SLC9C2: variants seen among roughly 807,000 people sequenced by gnomAD.
The protein encoded by SLC9C2 is solute carrier family 9 member C2 (putative), also known as sodium/hydrogen exchanger 11.
In SLC9C2, 75 loss-of-function variants were observed where a neutral mutation model predicts 140.2. The ratio of observed to expected loss-of-function variants is 0.53; its 90% CI spans 0.44 to 0.65. The LOEUF (loss-of-function observed/expected upper bound fraction) is 0.65, where lower values mean the gene tolerates loss of function less well. Among genes scored for constraint, SLC9C2 ranks in the 30% least tolerant of loss-of-function variants. The pLI, the probability that SLC9C2 is intolerant of heterozygous loss-of-function variation, is 0.00. For missense variants in SLC9C2, 1,074 were observed against 1,331.8 expected (o/e 0.81, Z 3.01); for synonymous variants, 375 against 420.9 (o/e 0.89, Z 1.34).
At chr1:173,576,538 A>G in intron 8 of SLC9C2, 123 bp downstream of exon 8, 1 of 583,614 alleles carries the variant, frequency 1.7e-6, no homozygotes, top group Non-Finnish European at 2.9e-6. Flanking sequence ...CTGATAGCAA[A>G]AATAAAATTT....
chr1:173,555,855 G>T (rs1201616948), intron 10 of SLC9C2, among the ~76,000 whole-genome samples: 1 of 152,262 alleles, frequency 6.6e-6, no homozygotes, highest in Non-Finnish European at 1.5e-5. Flanking sequence ...GTTAGGGCAC[G>T]TGAGGTCTTT....
Position 173,573,302 on chromosome 1 carries a change from A to G in SLC9C2, c.926T>C (p.Val309Ala). 1.3e-6 allele frequency: 2 copies of G among 1,538,064 alleles called. No individual in the cohort carries two copies. The highest frequency in any genetic ancestry group is 1.4e-5 in the African/African-American group (1 of 72,212). Reference sequence around the variant, plus strand: ...GAAAGCATATATTAAATGTTCATATACAGATGAAAAAATTCTTAAGAACCT... The same window carrying G: ...GAAAGCATATATTAAATGTTCATATGCAGATGAAAAAATTCTTAAGAACCT... Reference protein sequence around the residue: ...ITKFLRIFSSVYEHLIYAFFG... With the variant: ...ITKFLRIFSSAYEHLIYAFFG... Residue 309 changes from valine (V) to alanine (A), a missense_variant, in exon 9 of 28, where the codon GTA becomes GCA. Val to Ala is a moderately conservative substitution (Grantham distance 64). Coordinates refer to ENST00000367714, the MANE Select transcript of SLC9C2 (RefSeq NM_178527.4).
chr1:173,579,654 T>C (rs1480701500), intron 7 of SLC9C2, among the ~76,000 whole-genome samples: 1 of 152,262 alleles, frequency 6.6e-6, no homozygotes, highest in Non-Finnish European at 1.5e-5. Context: ...TGATGCCGTT[T>C]AGTTAGCACA....
At chr1:173,538,859 T>C (rs1270014646) in intron 13 of SLC9C2, among the ~76,000 whole-genome samples, 1 of 152,182 alleles carries the variant, frequency 6.6e-6, no homozygotes, top group East Asian at 1.9e-4. Context: ...AAATACCTTG[T>C]ATATTGTGCT....
intron 9 of SLC9C2, among the ~76,000 whole-genome samples, chr1:173,569,859 G>A (rs963192105): frequency 4.6e-5 from 7 of 152,106 alleles, no homozygotes; most frequent in South Asian, 4.1e-4. Context: ...TTGTGATTAC[G>A]CTGGTATTCA....
At chr1:173,593,158 G>A (rs1666262351) in intron 4 of SLC9C2, among the ~76,000 whole-genome samples, 1 of 152,108 alleles carries the variant, frequency 6.6e-6, no homozygotes, top group Admixed American at 6.5e-5. Flanking sequence ...ATACTATAAA[G>A]CAACCTCACA....
Position 173,505,332 on chromosome 1 carries a change from C to T in SLC9C2, c.3226-1G>A, listed in dbSNP as rs1424870985. 1 of 1,613,528 alleles carries T rather than the reference C, an allele frequency of 6.2e-7. No homozygotes were observed. Among genetic ancestry groups the T allele is most frequent in the South Asian group, 1.1e-5 (1 of 91,012 alleles). On this transcript the variant is annotated splice_acceptor_variant, in intron 25 of 27. Coordinates refer to ENST00000367714, the MANE Select transcript of SLC9C2 (RefSeq NM_178527.4). LOFTEE classifies it high-confidence loss of function. ...TGCTTAAATCAGAAGTTCCCTGAAC[C>T]TAGAGGAGAAAAGTCAAAATTAGTC... is the stretch of plus-strand genomic sequence containing the variant.
At chr1:173,574,270 C>T (rs1665017855) in intron 8 of SLC9C2, among the ~76,000 whole-genome samples, 1 of 152,156 alleles carries the variant, frequency 6.6e-6, no homozygotes, top group Admixed American at 6.5e-5. Context: ...AAAATTTATG[C>T]TCGGAAAGAA....
chr1:173,594,290 CACATAGCTAGAAGGAAG>C (rs1666328698), intron 4 of SLC9C2, among the ~76,000 whole-genome samples: 1 of 152,080 alleles, frequency 6.6e-6, no homozygotes, highest in African/African-American at 2.4e-5. Flanking sequence ...TATATAGTTT[CACATAGCTAGAAGGAAG>C]ACATTGAATG....
intron 13 of SLC9C2, among the ~76,000 whole-genome samples, chr1:173,537,968 C>A (rs1036381853): frequency 1.3e-5 from 2 of 152,150 alleles, no homozygotes; most frequent in Non-Finnish European, 2.9e-5. Flanking sequence ...TTGACTCCAA[C>A]CACTACTGCA....
chr1:173,547,911 T>C (rs1571530097), intron 12 of SLC9C2, 127 bp from the exon 13 acceptor site: 1 of 665,768 alleles, frequency 1.5e-6, no homozygotes, highest in East Asian at 2.9e-5. Flanking sequence ...ATTGCTAGAA[T>C]GAAGAGCTAT....
At chr1:173,535,711 G>C in intron 15 of SLC9C2, 119 bp downstream of exon 15, 2 of 1,216,286 alleles carry the variant, frequency 1.6e-6, no homozygotes, top group Non-Finnish European at 2.2e-6. Context: ...CACCCAATCA[G>C]TGAAAATAAA....
intron 4 of SLC9C2, among the ~76,000 whole-genome samples, chr1:173,593,163 C>T (rs1320853212): frequency 6.6e-6 from 1 of 152,094 alleles, no homozygotes; most frequent in East Asian, 1.9e-4. Flanking sequence ...ATAAAGCAAC[C>T]TCACAAACAA....
chr1:173,519,528 T>G (rs1660655108), intron 22 of SLC9C2, among the ~76,000 whole-genome samples: 1 of 152,202 alleles, frequency 6.6e-6, no homozygotes. Context: ...TGTTATGGTA[T>G]CAAAAAAGTA....
chr1:173,505,700 T>C (rs1659588548), intron 25 of SLC9C2, among the ~76,000 whole-genome samples: 1 of 152,212 alleles, frequency 6.6e-6, no homozygotes, highest in South Asian at 2.1e-4. Context: ...TCTTAGACCA[T>C]TTGTCCCATG....
At chr1:173,563,790 A>G (rs1360037774) in intron 9 of SLC9C2, among the ~76,000 whole-genome samples, 2 of 152,172 alleles carry the variant, frequency 1.3e-5, no homozygotes, top group Non-Finnish European at 2.9e-5. Context: ...ATCAAATACT[A>G]GGTTTTACTC....
At chr1:173,505,465 T>G (rs1006867806) in intron 25 of SLC9C2, 134 bp from the exon 26 acceptor site, 2 of 648,900 alleles carry the variant, frequency 3.1e-6, no homozygotes, top group African/African-American at 3.6e-5. Context: ...CTCTATATTC[T>G]AAATTTCAAA....
intron 19 of SLC9C2, among the ~76,000 whole-genome samples, chr1:173,526,452 C>T (rs1661203734): frequency 2.0e-5 from 3 of 152,202 alleles, no homozygotes; most frequent in Admixed American, 2.0e-4. Context: ...TATTGATACG[C>T]TCATACACTC....
chr1:173,537,105 C>G (rs1264284229), intron 13 of SLC9C2, 66 bp from the exon 14 acceptor site: 1 of 1,236,972 alleles, frequency 8.1e-7, no homozygotes, highest in Non-Finnish European at 1.2e-6. Context: ...CTTCTTAACC[C>G]TTACATAGCC....
Sources: allele counts gnomAD v4.1 joint callset (sites outside exome capture counted in the v4.1 genomes callset), GRCh38; gene constraint gnomAD v4.1.1; transcripts MANE v1.5; gene names NCBI Gene and HGNC (gene_info 2026-07-23, HGNC 2026-07-21).